The following SF3A3 variants were observed in gnomAD, a reference collection of about 807,000 sequenced individuals.
SF3A3 encodes the protein SAP 61.
Under a neutral mutation model 85.8 loss-of-function variants are expected in SF3A3, and 9 were observed. That is an observed-to-expected ratio of 0.10 (90% confidence interval 0.06 to 0.18). The LOEUF is 0.18. SF3A3 is among the 10% of genes least tolerant of loss of function. SF3A3 has a pLI of 1.00. For synonymous variants in SF3A3, 195 were observed against 204.4 expected (o/e 0.95, Z 0.39); for missense variants, 306 against 593.3 (o/e 0.52, Z 5.03).
At chr1:37,960,228 ATCCAG>A in intron 15 of SF3A3, 53 bp from the exon 16 acceptor site, 1 of 1,500,760 alleles carries the variant, frequency 6.7e-7, no homozygotes, top group African/African-American at 1.4e-5. Flanking sequence ...TCTGTTGGGT[ATCCAG>A]TGTTATAATC....
At chr1:37,978,953 A>G (rs1646398313) in intron 10 of SF3A3, 35 bp downstream of exon 10, 2 of 1,588,884 alleles carry the variant, frequency 1.3e-6, no homozygotes, top group Non-Finnish European at 1.7e-6. Context: ...AACACACAGT[A>G]AATCGATAGT....
intron 4 of SF3A3, among the ~76,000 whole-genome samples, chr1:37,985,365 T>C (rs1420090205): frequency 2.6e-5 from 4 of 152,208 alleles, no homozygotes; most frequent in African/African-American, 9.6e-5. Context: ...GCTTTTGCTA[T>C]GCCAGTGGTT....
Position 37,968,114 on chromosome 1 carries a change from GC to G in SF3A3, c.1301del (p.Gly434AlafsTer2). 1 of 1,611,478 alleles carries G rather than the reference GC, an allele frequency of 6.2e-7. No homozygotes were observed. The highest frequency in any genetic ancestry group is 8.5e-7 in the Non-Finnish European group (1 of 1,177,650). On this transcript the variant is annotated frameshift_variant, in exon 15 of 17. Coordinates refer to ENST00000373019, the MANE Select transcript of SF3A3 (RefSeq NM_006802.4). LOFTEE classifies it high-confidence loss of function. ...RHFAEWRHAH[G>X]MRCLGIPNTA... Reference sequence around the variant, plus strand: ...TGTTTGGGATGCCCAAACACCTCATGCCATGAGCATGACGCCATTCCTGGGA... The same window carrying G: ...TGTTTGGGATGCCCAAACACCTCATGCATGAGCATGACGCCATTCCTGGGA...
chr1:37,989,740 A>T, intron 1 of SF3A3, 130 bp downstream of exon 1: 1 of 1,231,858 alleles, frequency 8.1e-7, no homozygotes. Flanking sequence ...GGAGGTTACC[A>T]AGACCGGAGC....
intron 15 of SF3A3, among the ~76,000 whole-genome samples, chr1:37,967,028 T>A (rs144857697): frequency 6.8e-4 from 92 of 135,206 alleles, no homozygotes; most frequent in African/African-American, 2.5e-3. Flanking sequence ...CATGGGTGGA[T>A]CACTTGAGGT....
chr1:37,969,716 T>A lies in SF3A3; in HGVS notation c.1025A>T (p.His342Leu). Residue 342 changes from histidine (H) to leucine (L), a missense_variant, in exon 13 of 17, where the codon CAT becomes CTT. His to Leu is a moderately conservative substitution (Grantham distance 99). Around this residue, in one of 4 missense-constraint regions of SF3A3, gnomAD observed 136 missense variants for 296.6 expected, o/e 0.46. Transcript: ENST00000373019. ...EILGEQRHLT[H>L]ENVQRKQART... ...GGCTTGCTTGCGCTGTACATTTTCA[T>A]GAGTGAGATGTCGCTGTTCCTAAAG... 1 of 1,614,200 alleles carries A rather than the reference T, an allele frequency of 6.2e-7. No individual in the cohort carries two copies. Among genetic ancestry groups the A allele is most frequent in the South Asian group, 1.1e-5 (1 of 91,092 alleles).
intron 15 of SF3A3, among the ~76,000 whole-genome samples, chr1:37,965,297 C>A (rs897479163): frequency 1.1e-5 from 1 of 88,398 alleles, no homozygotes; most frequent in African/African-American, 5.0e-5. Context: ...GAAACCCCAT[C>A]GGCACAAAAA....
chr1:37,969,996 A>C (rs149715456), intron 12 of SF3A3, among the ~76,000 whole-genome samples: 39 of 152,294 alleles, frequency 2.6e-4, no homozygotes, highest in African/African-American at 8.7e-4. Context: ...AAACAGTCTC[A>C]TCTATTCTGA....
Position 37,957,391 on chromosome 1 carries a change from T to TTG in SF3A3, c.*794_*795insCA, listed in dbSNP as rs1646227614. Reference sequence around the variant, plus strand: ...CAGCCCAACTCCCCCCCCCCCCCCTTTTTTTTTTTTTGAGATGGGGCCTCA... The same window carrying TTG: ...CAGCCCAACTCCCCCCCCCCCCCCTTTGTTTTTTTTTTTGAGATGGGGCCTCA... On this transcript the variant is annotated 3_prime_UTR_variant, in exon 17 of 17. Coordinates refer to ENST00000373019, the MANE Select transcript of SF3A3 (RefSeq NM_006802.4). 1 of 128,408 alleles carries TTG rather than the reference T, an allele frequency of 7.8e-6. No individual in the cohort carries two copies. The highest frequency in any genetic ancestry group is 2.6e-4 in the East Asian group (1 of 3,776). The allele number at this position is 128,408 out of a possible 1,614,324, so 8.0% of individuals were successfully genotyped here.
chr1:37,977,808 G>A (rs1478454432), intron 11 of SF3A3, among the ~76,000 whole-genome samples: 3 of 151,424 alleles, frequency 2.0e-5, no homozygotes, highest in East Asian at 2.0e-4. Context: ...CACTGCACTT[G>A]AGCCTGGGTG....
chr1:37,962,623 A>T (rs1006306300), intron 15 of SF3A3, among the ~76,000 whole-genome samples: 1 of 137,020 alleles, frequency 7.3e-6, no homozygotes, highest in Non-Finnish European at 1.6e-5. Flanking sequence ...AAAAAAAAAA[A>T]AGAATATTAA....
chr1:37,974,479 C>T (rs7551870), intron 12 of SF3A3, among the ~76,000 whole-genome samples: 138,086 of 152,062 alleles, frequency 0.91, 62,857 homozygotes, highest in East Asian at 1. Flanking sequence ...ATTTTTTATA[C>T]TTTTAGTAGA....
chr1:37,978,117 C>T (rs1198608746), intron 11 of SF3A3, among the ~76,000 whole-genome samples: 2 of 152,064 alleles, frequency 1.3e-5, no homozygotes, highest in Non-Finnish European at 2.9e-5. Context: ...GCAGGTGGAT[C>T]ACTTAAGCTC....
At chr1:37,962,087 AAAAACAAAACAAAAC>A (rs138801605) in intron 15 of SF3A3, among the ~76,000 whole-genome samples, 8 of 146,068 alleles carry the variant, frequency 5.5e-5, no homozygotes, top group Middle Eastern at 3.4e-3. Flanking sequence ...TCCGTCTCAA[AAAAACAAAACAAAAC>A]AAAACAAAAC....
intron 2 of SF3A3, among the ~76,000 whole-genome samples, chr1:37,988,188 C>T (rs901773822): frequency 1.3e-5 from 2 of 152,186 alleles, no homozygotes; most frequent in Non-Finnish European, 2.9e-5. Context: ...CACCTAACAT[C>T]CTCAAAGATA....
chr1:37,989,688 C>G (rs1570474020), intron 1 of SF3A3, 93 bp from the exon 2 acceptor site: 1 of 1,468,208 alleles, frequency 6.8e-7, no homozygotes, highest in Non-Finnish European at 9.3e-7. Context: ...TCAGCTTTTA[C>G]CAGCTGAGGC....
At chr1:37,984,007 T>G (rs955118665) in intron 6 of SF3A3, 162 bp downstream of exon 6, 2 of 456,108 alleles carry the variant, frequency 4.4e-6, no homozygotes, top group Non-Finnish European at 7.8e-6. Flanking sequence ...TCATTTTGAA[T>G]AGTATTTCAT....
intron 15 of SF3A3, among the ~76,000 whole-genome samples, chr1:37,965,926 C>T (rs1442116197): frequency 5.9e-5 from 9 of 152,052 alleles, no homozygotes; most frequent in African/African-American, 1.4e-4. Flanking sequence ...CCGGGATGGG[C>T]GCGGTGGCTA....
chr1:37,970,152 C>T (rs1229720016), intron 12 of SF3A3, among the ~76,000 whole-genome samples: 1 of 151,858 alleles, frequency 6.6e-6, no homozygotes, highest in Non-Finnish European at 1.5e-5. Flanking sequence ...AAAACATTTA[C>T]AAATTGGCTA....
Sources: allele counts gnomAD v4.1 joint callset (sites outside exome capture counted in the v4.1 genomes callset), GRCh38; gene constraint gnomAD v4.1.1; regional missense constraint gnomAD v4.1.1; transcripts MANE v1.5; gene names NCBI Gene and HGNC (gene_info 2026-07-23, HGNC 2026-07-21).